DDX3X: variants seen among roughly 807,000 people sequenced by gnomAD.
The protein encoded by DDX3X is DEAD-box helicase 3 X-linked, also known as ATP-dependent RNA helicase DDX3X.
DDX3X carries 4 observed loss-of-function variants against 52.7 expected under a neutral mutation model. The ratio of observed to expected loss-of-function variants is 0.08; its 90% CI spans 0.04 to 0.17. DDX3X has a LOEUF of 0.17. Ranked by LOEUF, DDX3X falls within the 10% of genes least tolerant of loss-of-function variation. The probability of loss-of-function intolerance (pLI) is 1.00; values close to 1 mark genes in which losing one functional copy is unlikely to be tolerated. For synonymous variants in DDX3X, 192 were observed against 178.1 expected (o/e 1.08, Z -0.62); for missense variants, 222 against 548.6 (o/e 0.40, Z 5.95).
At chrX:41,341,113 G>A (rs2063843806) in intron 3 of DDX3X, 1 of 167,495 alleles carries the variant, frequency 6.0e-6, no homozygotes, top group Non-Finnish European at 1.1e-5. Context: ...AGCCTCCTGA[G>A]TAGCTGGGAT....
chrX:41,343,126 C>T (rs981774747), intron 6 of DDX3X, 90 bp from the exon 7 acceptor site: 6 of 1,011,934 alleles, frequency 5.9e-6, no homozygotes, highest in African/African-American at 1.9e-5. Context: ...ACTGAGTTAC[C>T]AATCAGCTGT....
intron 5 of DDX3X, among the ~76,000 whole-genome samples, chrX:41,361,790 A>G (rs1437476830): frequency 9.0e-6 from 1 of 111,363 alleles, no homozygotes; most frequent in Non-Finnish European, 1.9e-5. Flanking sequence ...ATTTTCATAG[A>G]TTATCTAATG....
chrX:41,346,106 T>C (rs2063919948), intron 12 of DDX3X, 123 bp from the exon 13 acceptor site: 2 of 589,098 alleles, frequency 3.4e-6, no homozygotes, highest in East Asian at 7.2e-5. Flanking sequence ...ACATGCTGTG[T>C]TGAAAGCCCG....
chrX:41,362,777 A>G (rs1485050515), intron 5 of DDX3X, among the ~76,000 whole-genome samples: 2 of 111,473 alleles, frequency 1.8e-5, no homozygotes, highest in African/African-American at 3.3e-5. Context: ...GAGGCTCATG[A>G]TTCTTCTTTG....
chrX:41,342,677 C>CT (rs1569237161), intron 5 of DDX3X, 24 bp downstream of exon 5: 2 of 1,210,793 alleles, frequency 1.7e-6, no homozygotes, highest in Admixed American at 4.3e-5. Context: ...GTGTATGTTA[C>CT]TTGTGATGAA....
upstream of DDX3X, chrX:41,333,988 C>T (rs775890166): frequency 2.8e-6 from 1 of 351,630 alleles, no homozygotes; most frequent in East Asian, 4.5e-5. Context: ...CTGCTAGGGG[C>T]GACAGGACTA....
chrX:41,357,288 T>C (rs369712811), intron 5 of DDX3X, among the ~76,000 whole-genome samples: 78 of 110,499 alleles, frequency 7.1e-4, no homozygotes, highest in African/African-American at 2.3e-3. Flanking sequence ...GTGATTCCTC[T>C]CACTTTATTA....
At chrX:41,344,734 G>A (rs930493354) in intron 10 of DDX3X, among the ~76,000 whole-genome samples, 2 of 112,133 alleles carry the variant, frequency 1.8e-5, no homozygotes, top group Admixed American at 9.4e-5. Context: ...CATCGCACCC[G>A]GCCAAGTATG....
chrX:41,336,338 G>C (rs2063769422), intron 1 of DDX3X: 1 of 111,991 alleles, frequency 8.9e-6, no homozygotes, highest in South Asian at 3.7e-4. Context: ...CTAGAATGAA[G>C]AGGCTTTTGA....
At chrX:41,335,333 G>A (rs1003077251) in intron 1 of DDX3X, 1 of 111,532 alleles carries the variant, frequency 9.0e-6, no homozygotes, top group Non-Finnish European at 1.9e-5. Context: ...CCGGCTTAGG[G>A]GGGAAGTAAA....
chrX:41,345,611 G>A (rs2063913107), intron 12 of DDX3X, 63 bp downstream of exon 12: 2 of 960,618 alleles, frequency 2.1e-6, no homozygotes, highest in African/African-American at 3.9e-5. Context: ...CCAGGCTGGA[G>A]TGCAGGGGTT....
At chrX:41,357,364 C>CT (rs1714074054) in intron 5 of DDX3X, among the ~76,000 whole-genome samples, 2 of 111,803 alleles carry the variant, frequency 1.8e-5, no homozygotes, top group Non-Finnish European at 3.8e-5. Context: ...TTAGAATAAG[C>CT]TTTTTTTCTA....
intron 3 of DDX3X, chrX:41,339,366 C>T (rs2063815686): frequency 6.9e-6 from 1 of 144,858 alleles, no homozygotes; most frequent in African/African-American, 3.1e-5. Context: ...TAATCATTCA[C>T]AGCATGGTTT....
rs962065484 is a variant in DDX3X at position 41,345,175 on chromosome X, G to A, written c.1026-5G>A. On this transcript the variant is annotated splice_polypyrimidine_tract_variant and splice_region_variant and intron_variant, in intron 10 of 16. Transcript: ENST00000644876. ...TCAGGCTTGTTTTTTTTCATGACAT[G>A]ACAGATACTTGGTGTTAGATGAAGC... is the stretch of plus-strand genomic sequence containing the variant. 5 of 1,207,177 alleles carry A rather than the reference G, an allele frequency of 4.1e-6. No homozygotes were observed. The highest frequency in any genetic ancestry group is 5.6e-6 in the Non-Finnish European group (5 of 893,553).
chrX:41,346,300 C>G lies in DDX3X; in HGVS notation c.1387C>G (p.His463Asp). ...GADSLEDFLY[H>D]EGYACTSIHG... The stretch of plus-strand genomic sequence containing the variant: ...AGATTCTCTGGAGGATTTCTTATAC[C>G]ATGAAGGATACGCATGTACCAGCAT... The change falls in exon 13 of 17, where the codon CAT becomes GAT. Residue 463 changes from histidine to aspartate, a missense_variant. By Grantham distance (81) the His-to-Asp change is moderately conservative. Coordinates refer to ENST00000644876, the MANE Select transcript of DDX3X (RefSeq NM_001356.5). 1 of 1,210,014 alleles carries G rather than the reference C, an allele frequency of 8.3e-7. No homozygotes were observed. Among genetic ancestry groups the G allele is most frequent in the Non-Finnish European group, 1.1e-6 (1 of 894,304 alleles).
Position 41,348,311 on chromosome X carries a change from CTGT to C in DDX3X, c.*593_*595del, listed in dbSNP as rs2063951650. ...TGGAATTAGTTTCTAATGTGGCAAA[CTGT>C]ATTAAGTTAAAGTTCTGATTTGCTC... is the stretch of plus-strand genomic sequence containing the variant. On this transcript the variant is annotated 3_prime_UTR_variant, in exon 17 of 17. Coordinates refer to ENST00000644876, the MANE Select transcript of DDX3X (RefSeq NM_001356.5). 8.4e-6 allele frequency: 1 copy of C among 118,728 alleles called. No individual in the cohort carries two copies. Among genetic ancestry groups the C allele is most frequent in the Non-Finnish European group, 1.7e-5 (1 of 57,570 alleles). The allele number at this position is 118,728 out of a possible 1,213,427, so 9.8% of individuals were successfully genotyped here.
chrX:41,342,074 A>G (rs893976400), intron 4 of DDX3X: 2 of 153,053 alleles, frequency 1.3e-5, no homozygotes, highest in African/African-American at 6.3e-5. Context: ...CCTTTTATCC[A>G]AAGTCTGTCA....
rs2147360180 is a variant in DDX3X at position 41,347,020 on chromosome X, A to G, written c.1769+8A>G. 8.4e-7 allele frequency: 1 copy of G among 1,196,462 alleles called. No homozygotes were observed. The highest frequency in any genetic ancestry group is 2.3e-5 in the Admixed American group (1 of 44,189). ...TCGTGGACGTTCTAAGAGGTGAGGT[A>G]TAAATAGTATATAATGAGGGGAATG... On this transcript the variant is annotated splice_region_variant and intron_variant, in intron 15 of 16. Transcript: ENST00000644876.
At chrX:41,355,044 G>C (rs2064003158), downstream of DDX3X, among the ~76,000 whole-genome samples, 8 of 111,010 alleles carry the variant, frequency 7.2e-5, no homozygotes, top group Admixed American at 6.8e-4. Context: ...TGGTCTCGAA[G>C]TCCTGACCTC....
Sources: allele counts gnomAD v4.1 joint callset (sites outside exome capture counted in the v4.1 genomes callset), GRCh38; gene constraint gnomAD v4.1.1; transcripts MANE v1.5; gene names NCBI Gene and HGNC (gene_info 2026-07-23, HGNC 2026-07-21).